Variants in BMPR2 observed in about 807,000 individuals in gnomAD.
BMPR2 encodes bone morphogenetic protein receptor type-2.
A neutral mutation model predicts 100.8 loss-of-function variants in BMPR2; 29 were observed. That is an observed-to-expected ratio of 0.29 (90% CI 0.21 to 0.39). The LOEUF is 0.39. BMPR2 is among the 10% of genes least tolerant of loss of function. The probability of loss-of-function intolerance (pLI) is 1.00; values close to 1 mark genes in which losing one functional copy is unlikely to be tolerated. For missense variants in BMPR2, 1,011 were observed against 1,274.5 expected, an observed-to-expected ratio of 0.79 and a Z score of 3.15; for synonymous variants, 382 against 442.3, an observed-to-expected ratio of 0.86 and a Z score of 1.71.
intron 1 of BMPR2, among the ~76,000 whole-genome samples, chr2:202,410,496 G>A (rs1690991077): frequency 6.6e-6 from 1 of 152,206 alleles, no homozygotes; most frequent in Non-Finnish European, 1.5e-5. Context: ...AATAATCATA[G>A]TATTGGATTC....
rs1688721442 is a variant in BMPR2, at chr2:202,564,339, C to T, written c.*4393C>T. On this transcript the variant is annotated 3_prime_UTR_variant, in exon 13 of 13. Transcript: ENST00000374580. ...TTATTATGTAACTATTCACAGATTG[C>T]TTCATATATTGCTTTATCTTCCCAT... 6.6e-6 allele frequency: 1 copy of T among 152,138 alleles called. No homozygotes were observed. The highest frequency in any genetic ancestry group is 2.1e-4 in the South Asian group (1 of 4,830). The allele number at this position is 152,138 out of a possible 1,614,324, so 9.4% of individuals were successfully genotyped here. A position where few individuals can be genotyped will look rare whatever the true frequency, so the allele number is the denominator to read the frequency against.
intron 3 of BMPR2, among the ~76,000 whole-genome samples, chr2:202,472,668 AAG>A: frequency 6.6e-6 from 1 of 152,324 alleles, no homozygotes; most frequent in South Asian, 2.1e-4. Context: ...AAGAAAAAGA[AAG>A]AGAGAAAGTG....
At chr2:202,426,640 G>C (rs1381198165) in intron 1 of BMPR2, among the ~76,000 whole-genome samples, 2 of 150,996 alleles carry the variant, frequency 1.3e-5, no homozygotes, top group Admixed American at 6.6e-5. Context: ...CCAGCACTTT[G>C]GGAGGCTGAG....
intron 3 of BMPR2, among the ~76,000 whole-genome samples, chr2:202,491,785 A>G (rs943295644): frequency 1.3e-5 from 2 of 152,224 alleles, no homozygotes; most frequent in Non-Finnish European, 2.9e-5. Flanking sequence ...TAGAGGATGT[A>G]CAGCCTATTT....
At chr2:202,393,888 A>AGAGAGC (rs1690604374) in intron 1 of BMPR2, among the ~76,000 whole-genome samples, 5 of 56,366 alleles carry the variant, frequency 8.9e-5, no homozygotes, top group African/African-American at 6.0e-4. Flanking sequence ...AGAGCGAGAG[A>AGAGAGC]GAGAGAGAGA....
intron 1 of BMPR2, among the ~76,000 whole-genome samples, chr2:202,428,371 T>C (rs560621673): frequency 2.6e-4 from 39 of 151,368 alleles, no homozygotes; most frequent in African/African-American, 9.5e-4. Context: ...AGTCTGTCTC[T>C]CTCCTTCTGT....
chr2:202,559,647 ATT>A, intron 12 of BMPR2, 47 bp from the exon 13 acceptor site: 1 of 1,598,106 alleles, frequency 6.3e-7, no homozygotes, highest in Non-Finnish European at 8.6e-7. Flanking sequence ...CTTACCCGTT[ATT>A]TCTTAAGTTT....
At chr2:202,425,326 C>T (rs1691364040) in intron 1 of BMPR2, among the ~76,000 whole-genome samples, 1 of 151,980 alleles carries the variant, frequency 6.6e-6, no homozygotes, top group Non-Finnish European at 1.5e-5. Context: ...GATTTATGGA[C>T]AGAAAAAGGA....
intron 3 of BMPR2, among the ~76,000 whole-genome samples, chr2:202,510,514 T>G (rs1329443355): frequency 6.6e-6 from 1 of 152,228 alleles, no homozygotes; most frequent in East Asian, 1.9e-4. Flanking sequence ...ATTCCAACTA[T>G]ATGACTTTCT....
At position 202,437,108 on chromosome 2, in the gene BMPR2, C is replaced by T. The variant is rs562319579; in HGVS notation, c.77-27701C>T. ...GCAACCTCTGTCTCCCAGGTTCAAG[C>T]GATTCTTCTGCCTCAGCCTCCAGAG... On this transcript the variant is annotated intron_variant, in intron 1 of 12. Transcript: ENST00000374580. Among the ~76,000 whole-genome samples the T allele has an allele frequency of 2.5e-3, 375 of 150,472 alleles. 29 individuals are homozygous for T. Among genetic ancestry groups the T allele is most frequent in the African/African-American group, 8.6e-3 (343 of 39,856 alleles).
At chr2:202,499,470 G>A (rs781226213) in intron 3 of BMPR2, among the ~76,000 whole-genome samples, 1 of 152,074 alleles carries the variant, frequency 6.6e-6, no homozygotes, top group Non-Finnish European at 1.5e-5. Flanking sequence ...GACTGGAGTC[G>A]TAAACATCTG....
chr2:202,422,237 C>CTT (rs1321116008), intron 1 of BMPR2, among the ~76,000 whole-genome samples: 1 of 151,910 alleles, frequency 6.6e-6, no homozygotes, highest in Admixed American at 6.6e-5. Context: ...GCAGAAAACA[C>CTT]TTTCAAAGAT....
At chr2:202,460,846 G>C (rs1692212130) in intron 1 of BMPR2, among the ~76,000 whole-genome samples, 1 of 148,250 alleles carries the variant, frequency 6.7e-6, no homozygotes, top group African/African-American at 2.5e-5. Context: ...TAAGAGATAG[G>C]GTATCACTCT....
intron 12 of BMPR2, 59 bp from the exon 13 acceptor site, chr2:202,559,637 C>G (rs1688646529): frequency 1.3e-6 from 2 of 1,576,182 alleles, no homozygotes; most frequent in Non-Finnish European, 1.7e-6. Context: ...AGTTACATCC[C>G]TTACCCGTTA....
chr2:202,467,435 T>C (rs1692346600), intron 2 of BMPR2, 84 bp from the exon 3 acceptor site: 8 of 1,199,580 alleles, frequency 6.7e-6, no homozygotes, highest in African/African-American at 1.5e-5. Flanking sequence ...CTCACATTTA[T>C]TGAAATTACT....
chr2:202,467,481 C>T (rs761165319), intron 2 of BMPR2, 38 bp from the exon 3 acceptor site: 1 of 1,507,346 alleles, frequency 6.6e-7, no homozygotes, highest in Non-Finnish European at 9.2e-7. Context: ...TTTTCTTTAT[C>T]ATATTGTCTC....
rs984118917 is a variant in BMPR2, at chr2:202,508,367, A to C, written c.419-5352A>C. On this transcript the variant is annotated intron_variant, in intron 3 of 12. Coordinates refer to ENST00000374580, the MANE Select transcript of BMPR2 (RefSeq NM_001204.7). The stretch of plus-strand genomic sequence containing the variant: ...GGGTCTCCCAAAGTGCTGGGATTAC[A>C]GGCGTGAGCCACTGCACCCAGCTGA... 2.0e-5 allele frequency among the ~76,000 whole-genome samples: 3 copies of C among 152,348 alleles called. No homozygotes were observed. The East Asian group carries it at 5.8e-4, about 29-fold the overall frequency.
rs1691111551 is a variant in BMPR2, at chr2:202,415,620, A to G, written c.76+38070A>G. Among the ~76,000 whole-genome samples, 2 of 152,198 alleles carry G rather than the reference A, an allele frequency of 1.3e-5. 1 individual carries two copies. The highest frequency in any genetic ancestry group is 4.1e-4 in the South Asian group (2 of 4,834). Reference sequence around the variant, plus strand: ...CCGATGGTTATTTACCATTTTGAAAATCCTAGAGCCCTTAAGAATTATACT... The same window carrying G: ...CCGATGGTTATTTACCATTTTGAAAGTCCTAGAGCCCTTAAGAATTATACT... On this transcript the variant is annotated intron_variant, in intron 1 of 12. Transcript: ENST00000374580.
chr2:202,488,646 T>C lies in BMPR2; in HGVS notation c.418+20957T>C, dbSNP rs529026249. Among the ~76,000 whole-genome samples the C allele has an allele frequency of 5.3e-5, 8 of 152,238 alleles. No individual in the cohort carries two copies. The East Asian group carries it at 1.5e-3, about 29-fold the overall frequency. On this transcript the variant is annotated intron_variant, in intron 3 of 12. Coordinates refer to ENST00000374580, the MANE Select transcript of BMPR2 (RefSeq NM_001204.7). Reference sequence around the variant, plus strand: ...CAGGGTCTTGCTGTGTTCCTCAGGATGGTCTCAAGCTCCTGGCTTCAAGCA... The same window carrying C: ...CAGGGTCTTGCTGTGTTCCTCAGGACGGTCTCAAGCTCCTGGCTTCAAGCA...
Sources: allele counts gnomAD v4.1 joint callset (sites outside exome capture counted in the v4.1 genomes callset), GRCh38; gene constraint gnomAD v4.1.1; transcripts MANE v1.5; gene names NCBI Gene and HGNC (gene_info 2026-07-23, HGNC 2026-07-21).